IFI16: variants seen among roughly 807,000 people sequenced by gnomAD.
IFI16 encodes gamma-interferon-inducible protein 16.
A neutral mutation model predicts 68.4 loss-of-function variants in IFI16; 49 were observed. That is an observed-to-expected ratio of 0.72 (90% CI 0.57 to 0.91). The LOEUF (loss-of-function observed/expected upper bound fraction) is 0.91. Among genes scored for constraint, IFI16 ranks in the 40% least tolerant of loss-of-function variants. The pLI is 0.00. For synonymous variants in IFI16, 307 were observed against 315.0 expected (o/e 0.97, Z 0.27); for missense variants, 878 against 942.9 (o/e 0.93, Z 0.90).
chr1:159,014,146 A>G (rs1275324785), intron 1 of IFI16, among the ~76,000 whole-genome samples: 7 of 152,226 alleles, frequency 4.6e-5, no homozygotes, highest in African/African-American at 1.7e-4. Flanking sequence ...GATGCTAATG[A>G]AAGCCAACTA....
rs575124569 is a variant in IFI16 at position 159,017,858 on chromosome 1, T to C, written c.550-371T>C. 8.0e-4 allele frequency among the ~76,000 whole-genome samples: 122 copies of C among 152,214 alleles called. 2 individuals carry two copies. The highest frequency in any genetic ancestry group is 1.1e-3 in the Admixed American group (17 of 15,286). On this transcript the variant is annotated intron_variant, in intron 4 of 11. Coordinates refer to ENST00000295809, the MANE Select transcript of IFI16 (RefSeq NM_001376587.1). ...CCTGATCTCAGGTGATCCACCCGCC[T>C]CGGCGTTTCAAAGTGCTGAGATTAC...
chr1:159,048,651 T>C (rs1433190324), intron 8 of IFI16, among the ~76,000 whole-genome samples: 1 of 151,458 alleles, frequency 6.6e-6, no homozygotes, highest in African/African-American at 2.4e-5. Flanking sequence ...CTATCAACAA[T>C]TGCCACTTAA....
At position 159,045,862 on chromosome 1, in the gene IFI16, A is replaced by G. The variant is rs577625104; in HGVS notation, c.1497+398A>G. Reference sequence around the variant, plus strand: ...CCATCTTTAAAAATTTAGGAAAAGAAGGTACATAAGCAAAAATAATTAATT... The same window carrying G: ...CCATCTTTAAAAATTTAGGAAAAGAGGGTACATAAGCAAAAATAATTAATT... On this transcript the variant is annotated intron_variant, in intron 8 of 11. Transcript: ENST00000295809. Among the ~76,000 whole-genome samples the G allele has an allele frequency of 2.0e-5, 3 of 151,222 alleles. No homozygotes were observed. In the Admixed American group the frequency reaches 2.0e-4, roughly 10 times the overall value.
intron 6 of IFI16, among the ~76,000 whole-genome samples, chr1:159,031,580 A>C (rs183974923): frequency 6.6e-6 from 1 of 152,288 alleles, no homozygotes; most frequent in Admixed American, 6.5e-5. Context: ...GGTAAGGTCA[A>C]ATCCTTCACT....
In IFI16 at chr1:159,016,442, A is replaced by C. The variant is rs1652927804; in HGVS notation, c.382-91A>C. The C allele has an allele frequency of 1.4e-5, 16 of 1,178,408 alleles. No homozygotes were observed. The South Asian group carries it at 2.4e-4, about 18-fold the overall frequency. 73.0% of individuals were successfully genotyped at this position (1,178,408 alleles called of 1,614,324 possible). ...TCAAGTTTCCAAGAAACATCTTCTTAGGAATAATAAAACTACTATCCAATA... is the reference window on the plus strand; with the variant it reads ...TCAAGTTTCCAAGAAACATCTTCTTCGGAATAATAAAACTACTATCCAATA... On this transcript the variant is annotated intron_variant, in intron 3 of 11. Transcript: ENST00000295809.
upstream of IFI16, among the ~76,000 whole-genome samples, chr1:159,004,668 A>G (rs1035782891): frequency 2.6e-5 from 4 of 152,272 alleles, no homozygotes; most frequent in South Asian, 8.3e-4. Flanking sequence ...TCGTGCCATC[A>G]CAACAGAGCA....
intron 7 of IFI16, among the ~76,000 whole-genome samples, chr1:159,035,193 T>A (rs991960687): frequency 6.6e-6 from 1 of 152,188 alleles, no homozygotes; most frequent in African/African-American, 2.4e-5. Flanking sequence ...TTGTTGTAAT[T>A]TTTAGCTAGC....
intron 8 of IFI16, among the ~76,000 whole-genome samples, chr1:159,046,142 C>T (rs1289323682): frequency 6.6e-6 from 1 of 151,196 alleles, no homozygotes; most frequent in African/African-American, 2.4e-5. Context: ...AATGATCCTA[C>T]GTTATTTGGC....
chr1:159,030,563 C>T (rs1653938097), intron 6 of IFI16, among the ~76,000 whole-genome samples: 1 of 152,102 alleles, frequency 6.6e-6, no homozygotes, highest in Non-Finnish European at 1.5e-5. Flanking sequence ...TGATTGTCAA[C>T]ACCCAGCAGA....
intron 6 of IFI16, among the ~76,000 whole-genome samples, chr1:159,023,951 T>G (rs542091875): frequency 2.6e-5 from 4 of 152,078 alleles, no homozygotes; most frequent in Non-Finnish European, 5.9e-5. Context: ...AAATAACAGA[T>G]AGAGAGCTCA....
chr1:159,039,512 T>C (rs1654497916), intron 7 of IFI16, among the ~76,000 whole-genome samples: 1 of 151,852 alleles, frequency 6.6e-6, no homozygotes, highest in African/African-American at 2.4e-5. Context: ...CCAGGCCAAT[T>C]TTTGTATTTT....
upstream of IFI16, among the ~76,000 whole-genome samples, chr1:159,009,639 G>GA (rs559738986): frequency 1.3e-5 from 2 of 151,952 alleles, no homozygotes; most frequent in African/African-American, 2.4e-5. Flanking sequence ...AATTTTGTAA[G>GA]AAAAAAAACT....
chr1:159,052,132 C>T (rs767455839), intron 10 of IFI16, 34 bp downstream of exon 10: 8 of 1,529,006 alleles, frequency 5.2e-6, no homozygotes, highest in Non-Finnish European at 7.1e-6. Context: ...AAAATTTCTC[C>T]TGCAACCTCC....
At chr1:159,032,194 G>A (rs1274034501) in intron 6 of IFI16, among the ~76,000 whole-genome samples, 5 of 152,178 alleles carry the variant, frequency 3.3e-5, no homozygotes, top group African/African-American at 1.2e-4. Context: ...ATTGGTATAT[G>A]TAGAAAGGTA....
chr1:159,039,217 T>C (rs1450541608), intron 7 of IFI16, among the ~76,000 whole-genome samples: 2 of 152,136 alleles, frequency 1.3e-5, no homozygotes, highest in African/African-American at 4.8e-5. Context: ...AGTGTACAGT[T>C]GAAGGAGTTA....
chr1:159,019,737 G>T (rs1653181188), intron 5 of IFI16, among the ~76,000 whole-genome samples: 1 of 152,118 alleles, frequency 6.6e-6, no homozygotes, highest in African/African-American at 2.4e-5. Context: ...GGGATTACAG[G>T]CATGAGCCAT....
chr1:159,028,236 A>C (rs1101996), intron 6 of IFI16, among the ~76,000 whole-genome samples: 100,906 of 151,964 alleles, frequency 0.66, 37,136 homozygotes, highest in Admixed American at 0.81. Flanking sequence ...CATTTCAAAG[A>C]ATTTTTTAGT....
intron 7 of IFI16, among the ~76,000 whole-genome samples, chr1:159,043,247 T>C (rs1279591429): frequency 6.6e-6 from 1 of 152,258 alleles, no homozygotes; most frequent in African/African-American, 2.4e-5. Context: ...GTAGAGCCCA[T>C]GTGTAGTCAT....
Position 159,052,220 on chromosome 1 carries a change from C to T in IFI16, c.2085+122C>T, listed in dbSNP as rs942475889. 7.3e-6 allele frequency: 5 copies of T among 682,414 alleles called. No individual in the cohort carries two copies. The South Asian group carries it at 7.5e-5, about 10-fold the overall frequency. 42.3% of individuals were successfully genotyped at this position (682,414 alleles called of 1,614,324 possible). A position where few individuals can be genotyped will look rare whatever the true frequency, so the allele number is the denominator to read the frequency against. ...AGAAAATCAACCCCTTCACCCTTCC[C>T]CCAGCACTAGAGATAATTGAATAGA... On this transcript the variant is annotated intron_variant, in intron 10 of 11. Coordinates refer to ENST00000295809, the MANE Select transcript of IFI16 (RefSeq NM_001376587.1).
Sources: gnomAD v4.1 joint callset for allele counts (sites outside exome capture counted in the v4.1 genomes callset) on GRCh38, gnomAD v4.1.1 for gene constraint, MANE v1.5 for transcripts, NCBI Gene and HGNC (gene_info 2026-07-23, HGNC 2026-07-21) for gene names.